The following SNX3 variants were observed in gnomAD, a reference collection of about 807,000 sequenced individuals.
The protein encoded by SNX3 is sorting nexin 3, also known as sorting nexin-3.
SNX3 carries 5 observed loss-of-function variants against 17.7 expected under a neutral mutation model. The ratio of observed to expected loss-of-function variants is 0.28; its 90% CI spans 0.15 to 0.59. SNX3 has a LOEUF of 0.59. SNX3 is among the 20% of genes least tolerant of loss of function. The pLI, the probability that SNX3 is intolerant of heterozygous loss-of-function variation, is 0.88. For missense variants in SNX3, 132 were observed against 206.8 expected (o/e 0.64, Z 2.22); for synonymous variants, 91 against 76.5 (o/e 1.19, Z -0.99).
chr6:108,232,886 T>C (rs1384649233), intron 1 of SNX3, among the ~76,000 whole-genome samples: 1 of 152,268 alleles, frequency 6.6e-6, no homozygotes, highest in Non-Finnish European at 1.5e-5. Context: ...ATATGGTTTA[T>C]AACCTAGATG....
At chr6:108,213,239 T>C (rs1774462381) in intron 3 of SNX3, among the ~76,000 whole-genome samples, 1 of 152,056 alleles carries the variant, frequency 6.6e-6, no homozygotes, top group African/African-American at 2.4e-5. Flanking sequence ...AGAAATACAA[T>C]GAAGTTCAAT....
chr6:108,221,089 G>T (rs758852595), intron 2 of SNX3, among the ~76,000 whole-genome samples: 3 of 152,032 alleles, frequency 2.0e-5, no homozygotes, highest in Non-Finnish European at 4.4e-5. Flanking sequence ...AAATAAATCT[G>T]CAACTTTATA....
intron 1 of SNX3, among the ~76,000 whole-genome samples, chr6:108,241,507 C>T (rs989304625): frequency 2.6e-5 from 4 of 152,036 alleles, no homozygotes; most frequent in Admixed American, 6.6e-5. Context: ...AAGAAAAAGG[C>T]TGAAGCCTCA....
At chr6:108,213,951 C>T (rs573799086) in intron 3 of SNX3, among the ~76,000 whole-genome samples, 3 of 152,280 alleles carry the variant, frequency 2.0e-5, no homozygotes, top group Admixed American at 6.5e-5. Flanking sequence ...TACAAAATAG[C>T]TATATTTCAA....
At position 108,260,915 on chromosome 6, in the gene SNX3, C is replaced by T. The variant is rs768249925; in HGVS notation, c.7G>A (p.Glu3Lys). MA[E>K]TVADTRRLIT... is the part of the protein sequence containing the mutation. Reference sequence around the variant, plus strand: ...AGCCGCCGGGTGTCAGCCACGGTCTCCGCCATTTCGCTGTAGCTGCTGCCG... The same window carrying T: ...AGCCGCCGGGTGTCAGCCACGGTCTTCGCCATTTCGCTGTAGCTGCTGCCG... The change falls in exon 1 of 4, where the codon GAG becomes AAG. Residue 3 changes from glutamate (E) to lysine (K), a missense_variant. By Grantham distance (56) the Glu-to-Lys change is moderately conservative. Coordinates refer to ENST00000230085, the MANE Select transcript of SNX3 (RefSeq NM_003795.6). 7 of 1,590,874 alleles carry T rather than the reference C, an allele frequency of 4.4e-6. No individual in the cohort carries two copies. The highest frequency in any genetic ancestry group is 8.6e-7 in the Non-Finnish European group (1 of 1,168,654).
intron 3 of SNX3, among the ~76,000 whole-genome samples, chr6:108,212,524 G>A (rs964509825): frequency 1.3e-5 from 2 of 152,024 alleles, no homozygotes; most frequent in Non-Finnish European, 2.9e-5. Context: ...TTTTACTAGA[G>A]ACGGGGTTTC....
intron 1 of SNX3, among the ~76,000 whole-genome samples, chr6:108,226,644 T>C (rs149274413): frequency 1.4e-4 from 21 of 152,312 alleles, no homozygotes; most frequent in South Asian, 4.1e-4. Context: ...CATCTTGTAA[T>C]ATTCACTCCT....
chr6:108,260,662 G>A (rs1776163647), intron 1 of SNX3, 98 bp downstream of exon 1: 2 of 1,411,042 alleles, frequency 1.4e-6, no homozygotes, highest in Admixed American at 1.8e-5. Context: ...CCCGGCCTGG[G>A]AGGCTGTGGC....
intron 1 of SNX3, among the ~76,000 whole-genome samples, chr6:108,230,721 C>T (rs1444793239): frequency 6.6e-6 from 1 of 152,086 alleles, no homozygotes; most frequent in Non-Finnish European, 1.5e-5. Flanking sequence ...CTGGATAGCT[C>T]TCAAGGGTTC....
intron 2 of SNX3, 142 bp from the exon 3 acceptor site, chr6:108,214,764 A>G (rs1433840886): frequency 3.6e-6 from 3 of 829,196 alleles, no homozygotes; most frequent in Non-Finnish European, 5.4e-6. Flanking sequence ...AGCAAAAAAT[A>G]CACTGAAAAA....
intron 1 of SNX3, among the ~76,000 whole-genome samples, chr6:108,223,698 C>T (rs1000702318): frequency 6.6e-6 from 1 of 151,588 alleles, no homozygotes; most frequent in Admixed American, 6.6e-5. Flanking sequence ...CGGGGTTTCA[C>T]CATGTTGGCC....
chr6:108,260,662 G>C, intron 1 of SNX3, 98 bp downstream of exon 1: 1 of 1,411,042 alleles, frequency 7.1e-7, no homozygotes, highest in Non-Finnish European at 9.9e-7. Flanking sequence ...CCCGGCCTGG[G>C]AGGCTGTGGC....
At position 108,211,907 on chromosome 6, in the gene SNX3, G is replaced by T; in HGVS notation, c.*242C>A. Reference sequence around the variant, plus strand: ...GGAATAACAGGTTTGTGAGGCTATAGTGTGCACCACATTAAAACAGCAAGA... The same window carrying T: ...GGAATAACAGGTTTGTGAGGCTATATTGTGCACCACATTAAAACAGCAAGA... On this transcript the variant is annotated 3_prime_UTR_variant, in exon 4 of 4. Coordinates refer to ENST00000230085, the MANE Select transcript of SNX3 (RefSeq NM_003795.6). The T allele has an allele frequency of 2.7e-6, 1 of 375,980 alleles. No homozygotes were observed. Among genetic ancestry groups the T allele is most frequent in the African/African-American group, 2.2e-5 (1 of 46,500 alleles). The allele number at this position is 375,980 out of a possible 1,614,324, so 23.3% of individuals were successfully genotyped here.
At chr6:108,215,115 C>T (rs932591832) in intron 2 of SNX3, among the ~76,000 whole-genome samples, 72 of 151,162 alleles carry the variant, frequency 4.8e-4, no homozygotes, top group African/African-American at 1.7e-3. Flanking sequence ...TTTGGGAGGC[C>T]GAGGCGGGCA....
At position 108,225,635 on chromosome 6, in the gene SNX3, C is replaced by T. The variant is rs547818803; in HGVS notation, c.163-2590G>A. 4.8e-3 allele frequency among the ~76,000 whole-genome samples: 725 copies of T among 151,430 alleles called. 3 individuals are homozygous for T. The highest frequency in any genetic ancestry group is 0.014 in the African/African-American group (589 of 41,336). The stretch of plus-strand genomic sequence containing the variant: ...CGACAGAGTGAGACTCTGACTCAAA[C>T]AAAACAAAACAAAAAAAAGATGCTA... On this transcript the variant is annotated intron_variant, in intron 1 of 3. Coordinates refer to ENST00000230085, the MANE Select transcript of SNX3 (RefSeq NM_003795.6).
In SNX3 at chr6:108,250,221, A is replaced by G. The variant is rs1334857989; in HGVS notation, c.162+10539T>C. Among the ~76,000 whole-genome samples, 6 of 152,244 alleles carry G rather than the reference A, an allele frequency of 3.9e-5. No individual in the cohort carries two copies. The South Asian group carries it at 6.2e-4, about 16-fold the overall frequency. On this transcript the variant is annotated intron_variant, in intron 1 of 3. Transcript: ENST00000230085. ...CCACCATGCCCGGCCTCATGTTTTG[A>G]TAATAGATTCTCCAAGTGCCTTTTG...
chr6:108,256,968 A>T (rs1399695751), intron 1 of SNX3, among the ~76,000 whole-genome samples: 1 of 152,172 alleles, frequency 6.6e-6, no homozygotes, highest in African/African-American at 2.4e-5. Flanking sequence ...CTATCCTCAA[A>T]CCAAAAGATA....
chr6:108,213,935 T>C (rs1351154803), intron 3 of SNX3, among the ~76,000 whole-genome samples: 2 of 152,246 alleles, frequency 1.3e-5, no homozygotes, highest in African/African-American at 4.8e-5. Context: ...TGGCTTTCTA[T>C]TATTTTACAA....
intron 1 of SNX3, among the ~76,000 whole-genome samples, chr6:108,233,625 T>G (rs889840357): frequency 6.6e-6 from 1 of 152,194 alleles, no homozygotes; most frequent in African/African-American, 2.4e-5. Context: ...GGCACACGCC[T>G]GTAATCCCAG....
Sources: allele counts gnomAD v4.1 joint callset (sites outside exome capture counted in the v4.1 genomes callset), GRCh38; gene constraint gnomAD v4.1.1; transcripts MANE v1.5; gene names NCBI Gene and HGNC (gene_info 2026-07-23, HGNC 2026-07-21).